DLGAP2: variants seen among roughly 807,000 people sequenced by gnomAD.
The protein encoded by DLGAP2 is DLG associated protein 2.
DLGAP2 carries 26 observed loss-of-function variants against 100.3 expected under a neutral mutation model. The observed-to-expected ratio is 0.26, with a 90% CI of 0.19 to 0.36. The LOEUF (loss-of-function observed/expected upper bound fraction) is 0.36, where lower values mean the gene tolerates loss of function less well. Ranked by LOEUF, DLGAP2 falls within the 10% of genes least tolerant of loss-of-function variation. The probability of loss-of-function intolerance (pLI) is 1.00; values close to 1 mark genes in which losing one functional copy is unlikely to be tolerated. For synonymous variants in DLGAP2, 886 were observed against 630.1 expected (o/e 1.41, Z -6.08); for missense variants, 1,858 against 1,453.2 (o/e 1.28, Z -4.53).
intron 2 of DLGAP2, among the ~76,000 whole-genome samples, chr8:1,196,138 T>C (rs1167539302): frequency 6.6e-6 from 1 of 152,258 alleles, no homozygotes; most frequent in Non-Finnish European, 1.5e-5. Context: ...CTGATCCACT[T>C]AACTGCTTGT....
At chr8:1,262,078 A>C (rs1254539125) in intron 3 of DLGAP2, among the ~76,000 whole-genome samples, 1 of 152,176 alleles carries the variant, frequency 6.6e-6, no homozygotes, top group Non-Finnish European at 1.5e-5. Context: ...TTTAATGGTT[A>C]GTTCTGTCTG....
At chr8:1,344,114 T>TTCCAGGCCCTGTCGTGGGTCCGTGTAC (rs1554447134) in intron 3 of DLGAP2, among the ~76,000 whole-genome samples, 3 of 36,894 alleles carry the variant, frequency 8.1e-5, no homozygotes, top group African/African-American at 1.1e-4. Flanking sequence ...GGTCCATGTA[T>TTCCAGGCCCTGTCGTGGGTCCGTGTAC]TCGGGGCCCT....
chr8:1,249,936 A>T (rs1003299179), intron 2 of DLGAP2, among the ~76,000 whole-genome samples: 2 of 152,068 alleles, frequency 1.3e-5, no homozygotes, highest in African/African-American at 4.8e-5. Flanking sequence ...GCTGGAGTGC[A>T]GTGGCGTGAT....
intron 3 of DLGAP2, among the ~76,000 whole-genome samples, chr8:1,289,295 T>C (rs1405811436): frequency 1.3e-5 from 2 of 152,220 alleles, no homozygotes; most frequent in Admixed American, 6.5e-5. Context: ...CAGCTACTTA[T>C]TTGACCAAAT....
chr8:1,130,161 G>A (rs1022276404), intron 2 of DLGAP2, among the ~76,000 whole-genome samples: 11 of 151,844 alleles, frequency 7.2e-5, no homozygotes, highest in African/African-American at 2.4e-5. Flanking sequence ...GCAAAGAGTG[G>A]TGTCCGATGC....
intron 2 of DLGAP2, among the ~76,000 whole-genome samples, chr8:927,458 T>C (rs1214416051): frequency 6.6e-6 from 1 of 152,148 alleles, no homozygotes; most frequent in Non-Finnish European, 1.5e-5. Flanking sequence ...ATTGTTCACG[T>C]CAGGAATGTG....
At chr8:1,453,556 G>A (rs1798221443) in intron 3 of DLGAP2, among the ~76,000 whole-genome samples, 1 of 152,100 alleles carries the variant, frequency 6.6e-6, no homozygotes, top group Admixed American at 6.5e-5. Flanking sequence ...TTATTCTTGA[G>A]TGCAGTCATT....
At chr8:1,139,493 C>G (rs1344034607) in intron 2 of DLGAP2, among the ~76,000 whole-genome samples, 1 of 152,192 alleles carries the variant, frequency 6.6e-6, no homozygotes, top group Non-Finnish European at 1.5e-5. Context: ...AGGGGCCTCC[C>G]TCGGCGCTAA....
At chr8:1,604,689 A>T (rs531252144) in intron 6 of DLGAP2, 1 of 152,364 alleles carries the variant, frequency 6.6e-6, no homozygotes, top group East Asian at 1.9e-4. Flanking sequence ...ACTGTGATCC[A>T]GATTGGGATT....
chr8:800,407 A>G (rs1262674469), intron 1 of DLGAP2, among the ~76,000 whole-genome samples: 3 of 152,132 alleles, frequency 2.0e-5, no homozygotes, highest in African/African-American at 7.2e-5. Flanking sequence ...ATGAGTTTAG[A>G]CGGTTGTACA....
intron 1 of DLGAP2, among the ~76,000 whole-genome samples, chr8:839,328 T>C (rs772870365): frequency 2.0e-5 from 3 of 152,190 alleles, no homozygotes; most frequent in Non-Finnish European, 4.4e-5. Context: ...ATAGAATCAT[T>C]CTAGATGTCT....
chr8:1,111,547 C>T (rs1286782347), intron 2 of DLGAP2, among the ~76,000 whole-genome samples: 1 of 152,138 alleles, frequency 6.6e-6, no homozygotes, highest in African/African-American at 2.4e-5. Context: ...ATGGTCCCCT[C>T]CCCGCTCCCA....
intron 3 of DLGAP2, among the ~76,000 whole-genome samples, chr8:1,364,653 G>A (rs1487416215): frequency 1.3e-5 from 2 of 152,256 alleles, no homozygotes; most frequent in African/African-American, 2.4e-5. Context: ...TTGTGTCAAA[G>A]TGAAAATTGC....
In DLGAP2 at chr8:982,812, C is replaced by T. The variant is rs1584945781; in HGVS notation, c.73+74846C>T. On this transcript the variant is annotated intron_variant, in intron 2 of 14. Coordinates refer to ENST00000637795, the MANE Select transcript of DLGAP2 (RefSeq NM_001346810.2). ...CTAGTCCACAGTTGGTCCGTTTATA[C>T]TGCCTGGTAGTTTAGTATTTGTGTT... 2.7e-5 allele frequency among the ~76,000 whole-genome samples: 4 copies of T among 150,430 alleles called. 1 individual carries two copies. The South Asian group carries it at 8.3e-4, about 31-fold the overall frequency.
At chr8:1,576,239 T>C (rs1802971544) in intron 6 of DLGAP2, among the ~76,000 whole-genome samples, 1 of 152,248 alleles carries the variant, frequency 6.6e-6, no homozygotes, top group Non-Finnish European at 1.5e-5. Flanking sequence ...CATTTTTTCA[T>C]GTGTCTGTTG....
At chr8:1,460,919 C>T (rs1798452694) in intron 3 of DLGAP2, among the ~76,000 whole-genome samples, 1 of 152,214 alleles carries the variant, frequency 6.6e-6, no homozygotes, top group Admixed American at 6.5e-5. Flanking sequence ...AGAAAGGACT[C>T]TCTCCAGAGC....
At chr8:1,186,539 G>A (rs956382017) in intron 2 of DLGAP2, among the ~76,000 whole-genome samples, 8 of 152,096 alleles carry the variant, frequency 5.3e-5, no homozygotes, top group African/African-American at 1.9e-4. Context: ...CTCTCTAAGC[G>A]TCCTGATAAC....
intron 10 of DLGAP2, among the ~76,000 whole-genome samples, chr8:1,675,811 C>T (rs1798797937): frequency 6.6e-6 from 1 of 151,678 alleles, no homozygotes; most frequent in Admixed American, 6.6e-5. Flanking sequence ...CACAGTTTTC[C>T]TACTTGGTTT....
At position 892,527 on chromosome 8, in the gene DLGAP2, G is replaced by C. The variant is rs150575266; in HGVS notation, c.19-15385G>C. ...CATAGAGGCAGAAAGTAGAATGGGG[G>C]GTGCCAGGGGCTGGGGAGGGGGCGT... On this transcript the variant is annotated intron_variant, in intron 1 of 14. Coordinates refer to ENST00000637795, the MANE Select transcript of DLGAP2 (RefSeq NM_001346810.2). Among the ~76,000 whole-genome samples, 770 of 152,206 alleles carry C rather than the reference G, an allele frequency of 5.1e-3. 6 individuals carry two copies. The highest frequency in any genetic ancestry group is 0.017 in the African/African-American group (720 of 41,492).
Sources: gnomAD v4.1 joint callset for allele counts (sites outside exome capture counted in the v4.1 genomes callset) on GRCh38, gnomAD v4.1.1 for gene constraint, MANE v1.5 for transcripts, NCBI Gene and HGNC (gene_info 2026-07-23, HGNC 2026-07-21) for gene names.